TMEM184B: variants seen among roughly 807,000 people sequenced by gnomAD.
TMEM184B encodes the protein putative MAPK-activating protein FM08.
Under a neutral mutation model 41.8 loss-of-function variants are expected in TMEM184B, and 17 were observed. The ratio of observed to expected loss-of-function variants is 0.41; its 90% CI spans 0.28 to 0.61. The LOEUF (loss-of-function observed/expected upper bound fraction) is 0.61. Among genes scored for constraint, TMEM184B ranks in the 20% least tolerant of loss-of-function variants. The pLI is 0.34. For synonymous variants in TMEM184B, 240 were observed against 229.5 expected, an observed-to-expected ratio of 1.05 and a Z score of -0.41; for missense variants, 393 against 557.8, an observed-to-expected ratio of 0.70 and a Z score of 2.98.
downstream of TMEM184B, among the ~76,000 whole-genome samples, chr22:38,218,274 A>G (rs1303024886): frequency 6.6e-6 from 1 of 152,144 alleles, no homozygotes; most frequent in Non-Finnish European, 1.5e-5. Flanking sequence ...CTGAAGAAGG[A>G]GTGGAGTATA....
At chr22:38,218,000 T>C (rs1437020338), downstream of TMEM184B, among the ~76,000 whole-genome samples, 1 of 152,194 alleles carries the variant, frequency 6.6e-6, no homozygotes, top group Non-Finnish European at 1.5e-5. Flanking sequence ...TTAAATTCCC[T>C]GGGCATCCCT....
rs2091400767 is a variant in TMEM184B, at chr22:38,225,329, C to T, written c.787+95G>A. 1 of 1,439,252 alleles carries T rather than the reference C, an allele frequency of 6.9e-7. No individual in the cohort carries two copies. Among genetic ancestry groups the T allele is most frequent in the Non-Finnish European group, 9.3e-7 (1 of 1,076,224 alleles). The allele number at this position is 1,439,252 out of a possible 1,614,324, so 89.2% of individuals were successfully genotyped here. A position where few individuals can be genotyped will look rare whatever the true frequency, so the allele number is the denominator to read the frequency against. On this transcript the variant is annotated intron_variant, in intron 7 of 8. Coordinates refer to ENST00000361906, the MANE Select transcript of TMEM184B (RefSeq NM_012264.5). This position sits in a 1 kb window ranked among gnomAD's most constrained non-coding sequence, Gnocchi z 4.4. ...TGGGCTGAGGCCCCTCTGAACAGGC[C>T]CTACAGGCACCAGGGACCATAAGCA...
intron 1 of TMEM184B, 100 bp downstream of exon 1, chr22:38,272,784 G>A (rs2092545035): frequency 3.0e-6 from 3 of 985,082 alleles, no homozygotes; most frequent in African/African-American, 1.7e-5. Flanking sequence ...CCGAAGCCGG[G>A]CGTCCCTCGC....
At chr22:38,222,418 G>A (rs539605076) in intron 8 of TMEM184B, 54 of 168,462 alleles carry the variant, frequency 3.2e-4, no homozygotes, top group Non-Finnish European at 5.4e-4. Flanking sequence ...ACAGCACTGT[G>A]CCCCCAGAAG....
chr22:38,243,501 G>A (rs1166975144), intron 3 of TMEM184B, among the ~76,000 whole-genome samples: 1 of 152,202 alleles, frequency 6.6e-6, no homozygotes, highest in East Asian at 1.9e-4. Flanking sequence ...ACCCATGCGA[G>A]GCTGGCAGCT....
chr22:38,262,072 C>G (rs953910923), intron 1 of TMEM184B, among the ~76,000 whole-genome samples: 1 of 152,198 alleles, frequency 6.6e-6, no homozygotes, highest in Non-Finnish European at 1.5e-5. Flanking sequence ...TGAACTCCTA[C>G]GCAGCAGAGA....
chr22:38,228,282 T>C (rs754206346), intron 5 of TMEM184B, among the ~76,000 whole-genome samples: 2 of 152,238 alleles, frequency 1.3e-5, no homozygotes, highest in Non-Finnish European at 2.9e-5. Flanking sequence ...GTTCCAGTTA[T>C]GAGCCTAGCA....
intron 5 of TMEM184B, among the ~76,000 whole-genome samples, chr22:38,230,260 C>G (rs537395560): frequency 6.6e-6 from 1 of 152,344 alleles, no homozygotes; most frequent in Admixed American, 6.5e-5. Context: ...CCAGGAAATG[C>G]AGGGAGAGAC....
rs181122841 is a variant in TMEM184B at position 38,235,300 on chromosome 22, G to A, written c.359-3966C>T. On this transcript the variant is annotated intron_variant, in intron 3 of 8. Coordinates refer to ENST00000361906, the MANE Select transcript of TMEM184B (RefSeq NM_012264.5). ...CTCCAGGGAAGCCACAGGGGCCCCA[G>A]GCCCATAAGCCCTCTCTATCTGGAA... 2.6e-5 allele frequency among the ~76,000 whole-genome samples: 4 copies of A among 152,294 alleles called. No individual in the cohort carries two copies. The East Asian group carries it at 7.7e-4, about 29-fold the overall frequency.
intron 5 of TMEM184B, among the ~76,000 whole-genome samples, chr22:38,229,644 G>A (rs112232461): frequency 7.0e-6 from 1 of 143,654 alleles, no homozygotes; most frequent in African/African-American, 2.7e-5. Context: ...ACCACAGGGA[G>A]GTCAGCCCAG....
At chr22:38,236,317 C>T (rs2091772335) in intron 3 of TMEM184B, among the ~76,000 whole-genome samples, 1 of 152,050 alleles carries the variant, frequency 6.6e-6, no homozygotes, top group Non-Finnish European at 1.5e-5. Flanking sequence ...AGAGAAGGAC[C>T]AGGATGAACA....
chr22:38,235,001 A>G (rs1052745983), intron 3 of TMEM184B, among the ~76,000 whole-genome samples: 3 of 152,200 alleles, frequency 2.0e-5, no homozygotes, highest in African/African-American at 7.2e-5. Flanking sequence ...ACGGTGTGTT[A>G]CCTACTGCTT....
At chr22:38,270,697 C>G (rs537554954) in intron 1 of TMEM184B, among the ~76,000 whole-genome samples, 3 of 152,328 alleles carry the variant, frequency 2.0e-5, no homozygotes, top group African/African-American at 4.8e-5. Context: ...ACTCCCACAC[C>G]AGATCCCCAG....
chr22:38,253,014 C>T (rs1569045098), intron 1 of TMEM184B, among the ~76,000 whole-genome samples: 3 of 152,020 alleles, frequency 2.0e-5, no homozygotes, highest in South Asian at 2.1e-4. Flanking sequence ...TGGTGGCAGG[C>T]GCCTGTAGTC....
intron 5 of TMEM184B, among the ~76,000 whole-genome samples, chr22:38,227,689 C>G (rs1480074113): frequency 1.3e-5 from 2 of 152,154 alleles, no homozygotes; most frequent in Non-Finnish European, 2.9e-5. Flanking sequence ...CCTCTGAGCA[C>G]AGACTCCCTG....
intron 1 of TMEM184B, among the ~76,000 whole-genome samples, chr22:38,250,157 T>C (rs893816645): frequency 6.6e-6 from 1 of 152,224 alleles, no homozygotes; most frequent in Non-Finnish European, 1.5e-5. Flanking sequence ...CAACGGAGGT[T>C]TCCCTGGGCC....
chr22:38,272,666 C>T (rs1395163304), intron 1 of TMEM184B: 4 of 985,442 alleles, frequency 4.1e-6, no homozygotes, highest in Non-Finnish European at 4.8e-6. Flanking sequence ...GGCACACCCA[C>T]GGGCGACCTC....
Position 38,226,752 on chromosome 22 carries a change from A to C in TMEM184B, c.617+27T>G, listed in dbSNP as rs746668186. The C allele has an allele frequency of 1.4e-5, 22 of 1,567,704 alleles. No individual in the cohort carries two copies. Among genetic ancestry groups the C allele is most frequent in the Non-Finnish European group, 1.8e-5 (21 of 1,155,742 alleles). ...CAGCCTGCGCCAACACTCCTCCCAC[A>C]CACCCCGGGGAGCACCCGCTGCTTA... is the stretch of plus-strand genomic sequence containing the variant. On this transcript the variant is annotated intron_variant, in intron 6 of 8. Transcript: ENST00000361906. This position sits in a 1 kb window ranked among gnomAD's most constrained non-coding sequence, Gnocchi z 4.6.
At chr22:38,233,721 G>A (rs548199625) in intron 3 of TMEM184B, among the ~76,000 whole-genome samples, 21 of 152,256 alleles carry the variant, frequency 1.4e-4, no homozygotes, top group African/African-American at 3.1e-4. Context: ...ATTCTAAGCC[G>A]GGTCCAGCTA....
Sources: allele counts gnomAD v4.1 joint callset (sites outside exome capture counted in the v4.1 genomes callset), GRCh38; gene constraint gnomAD v4.1.1; non-coding constraint Gnocchi (gnomAD v3.1); transcripts MANE v1.5; gene names NCBI Gene and HGNC (gene_info 2026-07-23, HGNC 2026-07-21).